The following SDCCAG8 variants were observed in gnomAD, a reference collection of about 807,000 sequenced individuals.
SDCCAG8 encodes serologically defined colon cancer antigen 8.
In SDCCAG8, 74 loss-of-function variants were observed where a neutral mutation model predicts 101.8. The observed-to-expected ratio is 0.73, with a 90% CI of 0.60 to 0.88. The LOEUF is 0.88. Ranked by LOEUF, SDCCAG8 falls within the 40% of genes least tolerant of loss-of-function variation. The pLI, the probability that SDCCAG8 is intolerant of heterozygous loss-of-function variation, is 0.00. For synonymous variants in SDCCAG8, 281 were observed against 292.9 expected (o/e 0.96, Z 0.41); for missense variants, 787 against 822.6 (o/e 0.96, Z 0.53).
intron 16 of SDCCAG8, among the ~76,000 whole-genome samples, chr1:243,442,739 G>T (rs553379175): frequency 6.6e-6 from 1 of 152,242 alleles, no homozygotes; most frequent in East Asian, 1.9e-4. Context: ...AGTTAAAGCT[G>T]ATTTCTTCTT....
At chr1:243,300,296 C>T (rs1157184524) in intron 6 of SDCCAG8, among the ~76,000 whole-genome samples, 1 of 152,110 alleles carries the variant, frequency 6.6e-6, no homozygotes, top group Admixed American at 6.5e-5. Context: ...TCCCCTATAT[C>T]TATTCTGTCA....
intron 16 of SDCCAG8, among the ~76,000 whole-genome samples, chr1:243,453,112 C>T (rs979215826): frequency 1.3e-5 from 2 of 152,212 alleles, no homozygotes; most frequent in African/African-American, 4.8e-5. Flanking sequence ...CTCTCCTTTT[C>T]CGGAGTTGAT....
At chr1:243,470,909 C>T (rs534298472) in intron 16 of SDCCAG8, among the ~76,000 whole-genome samples, 152 of 152,202 alleles carry the variant, frequency 1.0e-3, no homozygotes, top group African/African-American at 3.5e-3. Flanking sequence ...AAAGAAAAAT[C>T]GCTATGTTCT....
intron 5 of SDCCAG8, among the ~76,000 whole-genome samples, chr1:243,290,570 T>C (rs2070149951): frequency 6.6e-6 from 1 of 152,150 alleles, no homozygotes; most frequent in Non-Finnish European, 1.5e-5. Context: ...TCAAGTCCCT[T>C]ACTTGATTCT....
intron 12 of SDCCAG8, among the ~76,000 whole-genome samples, chr1:243,363,703 A>T (rs2076843945): frequency 6.6e-6 from 1 of 152,202 alleles, no homozygotes; most frequent in South Asian, 2.1e-4. Flanking sequence ...TCTTTATGAA[A>T]ATGGGTGAAA....
At chr1:243,319,280 C>T (rs975470696) in intron 9 of SDCCAG8, among the ~76,000 whole-genome samples, 20 of 152,170 alleles carry the variant, frequency 1.3e-4, no homozygotes, top group Middle Eastern at 3.2e-3. Context: ...ATATCACACT[C>T]CTCTTTGAAA....
intron 10 of SDCCAG8, among the ~76,000 whole-genome samples, chr1:243,334,260 ACT>A (rs1343942485): frequency 6.6e-6 from 1 of 151,918 alleles, no homozygotes; most frequent in Non-Finnish European, 1.5e-5. Context: ...TGTTCTCCAA[ACT>A]GCAGCTGGGA....
rs980791573 is a variant in SDCCAG8, at chr1:243,378,760, C to G, written c.1513C>G (p.Gln505Glu). The change falls in exon 13 of 18, where the codon CAA (glutamine) becomes GAA (glutamate). Residue 505 changes from glutamine (Q) to glutamate (E), a missense_variant. Gln to Glu is a conservative substitution (Grantham distance 29, BLOSUM62 2). Transcript: ENST00000366541. ...GAGAATAGAACTGGATGAAAGCAAA[C>G]AACACTTGGAACAGGAGCAGCAGAA... is the stretch of plus-strand genomic sequence containing the variant. ...KLRIELDESKQHLEQEQQKAA... is the reference protein window; with the variant it reads ...KLRIELDESKEHLEQEQQKAA... 32 of 1,613,884 alleles carry G rather than the reference C, an allele frequency of 2.0e-5. No individual in the cohort carries two copies. The African/African-American group carries it at 3.2e-4, about 16-fold the overall frequency.
At chr1:243,390,338 A>G (rs1438919596) in intron 13 of SDCCAG8, among the ~76,000 whole-genome samples, 1 of 152,196 alleles carries the variant, frequency 6.6e-6, no homozygotes, top group African/African-American at 2.4e-5. Flanking sequence ...TGCTGTTTTA[A>G]ATTGCGTCCT....
Position 243,391,680 on chromosome 1 carries a change from C to A in SDCCAG8, c.1616+12817C>A, listed in dbSNP as rs1467125509. The stretch of plus-strand genomic sequence containing the variant: ...GAATAAGCAGGGCATCCCTTTGACA[C>A]CTTTCCTGTATCTAACTTCAAGAAG... On this transcript the variant is annotated intron_variant, in intron 13 of 17. Transcript: ENST00000366541. 7.2e-5 allele frequency among the ~76,000 whole-genome samples: 11 copies of A among 152,218 alleles called. No individual in the cohort carries two copies. The East Asian group carries it at 2.1e-3, about 29-fold the overall frequency.
chr1:243,391,044 C>T (rs1226206747), intron 13 of SDCCAG8, among the ~76,000 whole-genome samples: 1 of 152,176 alleles, frequency 6.6e-6, no homozygotes, highest in African/African-American at 2.4e-5. Context: ...AGCGGAACTC[C>T]CTCCTGAGCC....
At chr1:243,461,894 G>T (rs2148161179) in intron 16 of SDCCAG8, among the ~76,000 whole-genome samples, 2 of 152,228 alleles carry the variant, frequency 1.3e-5, no homozygotes, top group South Asian at 2.1e-4. Context: ...CATGTGCAAA[G>T]GTCTTTTCCG....
intron 6 of SDCCAG8, among the ~76,000 whole-genome samples, chr1:243,294,145 T>C (rs960009370): frequency 2.0e-5 from 3 of 152,202 alleles, no homozygotes; most frequent in African/African-American, 7.2e-5. Flanking sequence ...TGTCAGCTTA[T>C]CCTGTTCTTT....
At chr1:243,401,342 C>T (rs529472990) in intron 13 of SDCCAG8, among the ~76,000 whole-genome samples, 1 of 152,322 alleles carries the variant, frequency 6.6e-6, no homozygotes, top group African/African-American at 2.4e-5. Context: ...CAGATTAAAT[C>T]CCCAGGCAGT....
chr1:243,361,143 C>G (rs1404291594), intron 12 of SDCCAG8, among the ~76,000 whole-genome samples: 1 of 152,126 alleles, frequency 6.6e-6, no homozygotes, highest in African/African-American at 2.4e-5. Context: ...AGGTGCTAAC[C>G]AGTCTGCCCC....
intron 13 of SDCCAG8, among the ~76,000 whole-genome samples, chr1:243,394,809 G>C (rs941329178): frequency 6.6e-6 from 1 of 151,624 alleles, no homozygotes; most frequent in South Asian, 2.1e-4. Flanking sequence ...TTTACTCTTC[G>C]GTAGTGTAAC....
chr1:243,290,684 A>AT (rs944641683), intron 5 of SDCCAG8, among the ~76,000 whole-genome samples: 1 of 152,106 alleles, frequency 6.6e-6, no homozygotes, highest in African/African-American at 2.4e-5. Context: ...TACCTCTGTG[A>AT]TGTTTATCAT....
intron 6 of SDCCAG8, among the ~76,000 whole-genome samples, chr1:243,293,650 G>GT (rs1017041938): frequency 6.6e-6 from 1 of 152,126 alleles, no homozygotes; most frequent in African/African-American, 2.4e-5. Flanking sequence ...ATGTTCCATT[G>GT]TATGTATGTT....
chr1:243,391,669 T>A (rs2078708574), intron 13 of SDCCAG8, among the ~76,000 whole-genome samples: 1 of 152,232 alleles, frequency 6.6e-6, no homozygotes, highest in Non-Finnish European at 1.5e-5. Context: ...AAGCAGGGCA[T>A]CCCTTTGACA....
Sources: allele counts gnomAD v4.1 joint callset (sites outside exome capture counted in the v4.1 genomes callset), GRCh38; gene constraint gnomAD v4.1.1; transcripts MANE v1.5; gene names NCBI Gene and HGNC (gene_info 2026-07-23, HGNC 2026-07-21).